Variants in CDH13 observed in about 807,000 individuals in gnomAD.
The protein encoded by CDH13 is cadherin 13, also known as cadherin-13.
A neutral mutation model predicts 63.8 loss-of-function variants in CDH13; 24 were observed. The observed-to-expected ratio is 0.38, with a 90% CI of 0.27 to 0.53. The LOEUF is 0.53. CDH13 is among the 20% of genes least tolerant of loss of function. The pLI, the probability that CDH13 is intolerant of heterozygous loss-of-function variation, is 0.85. For synonymous variants in CDH13, 503 were observed against 355.3 expected (o/e 1.42, Z -4.67); for missense variants, 1,049 against 903.1 (o/e 1.16, Z -2.07).
chr16:83,691,559 A>T (rs1904885933), intron 10 of CDH13, among the ~76,000 whole-genome samples: 1 of 151,914 alleles, frequency 6.6e-6, no homozygotes, highest in South Asian at 2.1e-4. Flanking sequence ...GGTGGCTCAC[A>T]CCCACCTGGC....
intron 5 of CDH13, among the ~76,000 whole-genome samples, chr16:83,286,770 G>GTATA (rs3052594): frequency 3.8e-3 from 541 of 141,712 alleles, no homozygotes; most frequent in Middle Eastern, 0.018. Context: ...AAAAAAAAAT[G>GTATA]TATATATATA....
intron 5 of CDH13, among the ~76,000 whole-genome samples, chr16:83,313,500 T>A (rs2090042467): frequency 6.6e-6 from 1 of 152,164 alleles, no homozygotes; most frequent in Non-Finnish European, 1.5e-5. Context: ...TAAAGCAATA[T>A]AAGATTCAGC....
Position 82,790,966 on chromosome 16 carries a change from G to A in CDH13, c.46-67396G>A, listed in dbSNP as rs142233384. On this transcript the variant is annotated intron_variant, in intron 1 of 13. Coordinates refer to ENST00000567109, the MANE Select transcript of CDH13 (RefSeq NM_001257.5). ...AAGAATTCCTAAGCCAGCTGTGCCTGGTGGCTCACGCCTGTAATCCCAGCA... is the reference window on the plus strand; with the variant it reads ...AAGAATTCCTAAGCCAGCTGTGCCTAGTGGCTCACGCCTGTAATCCCAGCA... Among the ~76,000 whole-genome samples, 150 of 152,302 alleles carry A rather than the reference G, an allele frequency of 9.8e-4. 3 individuals are homozygous for A. In the East Asian group the frequency reaches 0.023, roughly 23 times the overall value.
At chr16:83,698,259 G>C (rs1905684924) in intron 10 of CDH13, among the ~76,000 whole-genome samples, 1 of 152,212 alleles carries the variant, frequency 6.6e-6, no homozygotes, top group South Asian at 2.1e-4. Context: ...ATTTCCATCA[G>C]GGACTGACTT....
chr16:83,497,401 T>G (rs555821279), intron 7 of CDH13, among the ~76,000 whole-genome samples: 1 of 151,818 alleles, frequency 6.6e-6, no homozygotes, highest in African/African-American at 2.4e-5. Flanking sequence ...CTCAGTAAAC[T>G]ATCACAAGAA....
chr16:83,143,076 C>G (rs1456675821), intron 4 of CDH13, among the ~76,000 whole-genome samples: 3 of 152,144 alleles, frequency 2.0e-5, no homozygotes, highest in African/African-American at 7.2e-5. Context: ...TGCGCTCCAG[C>G]CTGGGCAACA....
At position 83,797,721 on chromosome 16, in the gene CDH13, C is replaced by G. The variant is rs1457616792; in HGVS notation, c.*2691C>G. Reference sequence around the variant, plus strand: ...TTAAAAAACGAAGTCAAGTAAGGACCAGAAATTGCTTTTCCCAATTACTGA... The same window carrying G: ...TTAAAAAACGAAGTCAAGTAAGGACGAGAAATTGCTTTTCCCAATTACTGA... On this transcript the variant is annotated 3_prime_UTR_variant, in exon 14 of 14. Coordinates refer to ENST00000567109, the MANE Select transcript of CDH13 (RefSeq NM_001257.5). 6.6e-6 allele frequency: 1 copy of G among 152,150 alleles called. No homozygotes were observed. Among genetic ancestry groups the G allele is most frequent in the African/African-American group, 2.4e-5 (1 of 41,422 alleles). The allele number at this position is 152,150 out of a possible 1,614,324, so 9.4% of individuals were successfully genotyped here. A position where few individuals can be genotyped will look rare whatever the true frequency, so the allele number is the denominator to read the frequency against.
At chr16:83,036,056 C>T (rs1173225737) in intron 3 of CDH13, among the ~76,000 whole-genome samples, 1 of 151,254 alleles carries the variant, frequency 6.6e-6, no homozygotes, top group African/African-American at 2.4e-5. Context: ...CACAATGGGG[C>T]TGTTTCTTGC....
At chr16:83,501,798 A>G (rs1318075491) in intron 7 of CDH13, among the ~76,000 whole-genome samples, 1 of 152,238 alleles carries the variant, frequency 6.6e-6, no homozygotes, top group Admixed American at 6.5e-5. Context: ...AATCTGACAG[A>G]TGTCTCAAGG....
chr16:82,908,755 A>T (rs967167638), intron 2 of CDH13, among the ~76,000 whole-genome samples: 2 of 152,258 alleles, frequency 1.3e-5, no homozygotes, highest in South Asian at 4.1e-4. Flanking sequence ...ATCTGCAGAT[A>T]CTCAAGTCTC....
intron 1 of CDH13, chr16:82,719,543 G>A (rs1162903876): frequency 2.4e-6 from 1 of 423,780 alleles, no homozygotes; most frequent in East Asian, 7.1e-5. Context: ...TCTGTTTTAA[G>A]CATTTGATTA....
intron 3 of CDH13, among the ~76,000 whole-genome samples, chr16:83,093,294 C>CTTTTTTTTTTTTTTTTT (rs549590536): frequency 2.8e-5 from 1 of 35,292 alleles, no homozygotes; most frequent in Non-Finnish European, 5.6e-5. Flanking sequence ...ACCATAAGTA[C>CTTTTTTTTTTTTTTTTT]TTTTTTTTTT....
At chr16:83,253,645 A>G (rs1341864855) in intron 5 of CDH13, among the ~76,000 whole-genome samples, 1 of 152,192 alleles carries the variant, frequency 6.6e-6, no homozygotes, top group Non-Finnish European at 1.5e-5. Context: ...CTAGGGGTTG[A>G]CAGAGCAGGC....
chr16:83,037,557 A>T (rs564207742), intron 3 of CDH13, among the ~76,000 whole-genome samples: 1 of 152,160 alleles, frequency 6.6e-6, no homozygotes, highest in Non-Finnish European at 1.5e-5. Flanking sequence ...AGCCTGGAGG[A>T]TGGAGATGAA....
At chr16:82,842,630 T>A (rs1373493620) in intron 1 of CDH13, among the ~76,000 whole-genome samples, 1 of 152,040 alleles carries the variant, frequency 6.6e-6, no homozygotes, top group Non-Finnish European at 1.5e-5. Flanking sequence ...GGAAGACAAT[T>A]TTCCCATGTA....
intron 11 of CDH13, among the ~76,000 whole-genome samples, chr16:83,749,028 C>G (rs1912850454): frequency 6.6e-6 from 1 of 152,158 alleles, no homozygotes; most frequent in African/African-American, 2.4e-5. Flanking sequence ...GAATGCAGAG[C>G]TGACAGGATT....
At chr16:82,720,587 G>T (rs760820500) in intron 1 of CDH13, among the ~76,000 whole-genome samples, 12 of 152,006 alleles carry the variant, frequency 7.9e-5, no homozygotes, top group Non-Finnish European at 1.8e-4. Flanking sequence ...TGGGATGTGG[G>T]AGGAAACCAG....
chr16:82,705,098 C>T (rs758665475), intron 1 of CDH13: 4 of 455,656 alleles, frequency 8.8e-6, no homozygotes, highest in Admixed American at 7.1e-5. Flanking sequence ...ATGTCAAAAC[C>T]TGCAATTTAT....
chr16:82,851,923 C>G (rs984574362), intron 1 of CDH13, among the ~76,000 whole-genome samples: 1 of 152,184 alleles, frequency 6.6e-6, no homozygotes, highest in African/African-American at 2.4e-5. Context: ...CTGACTTTAA[C>G]AAGAGTAAAC....
Sources: gnomAD v4.1 joint callset for allele counts (sites outside exome capture counted in the v4.1 genomes callset) on GRCh38, gnomAD v4.1.1 for gene constraint, MANE v1.5 for transcripts, NCBI Gene and HGNC (gene_info 2026-07-23, HGNC 2026-07-21) for gene names.